The following SPAG16 variants were observed in gnomAD, a reference collection of about 807,000 sequenced individuals.
SPAG16 encodes sperm-associated antigen 16 protein.
A neutral mutation model predicts 80.4 loss-of-function variants in SPAG16; 86 were observed. That is an observed-to-expected ratio of 1.07 (90% CI 0.90 to 1.28). The LOEUF is 1.28. Ranked by LOEUF, SPAG16 falls within the 50% of genes most tolerant of loss-of-function variation. The pLI is 0.00. For synonymous variants in SPAG16, 294 were observed against 265.9 expected (o/e 1.11, Z -1.03); for missense variants, 870 against 765.3 (o/e 1.14, Z -1.61).
intron 10 of SPAG16, among the ~76,000 whole-genome samples, chr2:213,687,685 T>A (rs2064750626): frequency 6.6e-6 from 1 of 152,168 alleles, no homozygotes. Flanking sequence ...CTTTCGAGAT[T>A]TTATCACTGA....
chr2:214,041,978 G>A (rs868446295), intron 13 of SPAG16, among the ~76,000 whole-genome samples: 434 of 116,206 alleles, frequency 3.7e-3, no homozygotes, highest in African/African-American at 0.011. Context: ...GTCTGTGTGT[G>A]TATATATATA....
rs2071220555 is a variant in SPAG16 at position 213,445,236 on chromosome 2, A to C, written c.943-44727A>C. 2.0e-5 allele frequency among the ~76,000 whole-genome samples: 3 copies of C among 152,358 alleles called. No homozygotes were observed. The South Asian group carries it at 6.2e-4, about 32-fold the overall frequency. The stretch of plus-strand genomic sequence containing the variant: ...AGAGACAACCTACAGAACGGAAGAA[A>C]ATACTTGCAAACGATTCAACTGACA... On this transcript the variant is annotated intron_variant, in intron 9 of 15. Coordinates refer to ENST00000331683, the MANE Select transcript of SPAG16 (RefSeq NM_024532.5).
chr2:214,142,916 T>G (rs2055436485), intron 14 of SPAG16, among the ~76,000 whole-genome samples: 1 of 152,156 alleles, frequency 6.6e-6, no homozygotes, highest in Non-Finnish European at 1.5e-5. Context: ...CCAGTCTGCT[T>G]CCAAACCCAA....
intron 11 of SPAG16, among the ~76,000 whole-genome samples, chr2:213,889,524 T>G (rs1476072811): frequency 6.6e-6 from 1 of 151,462 alleles, no homozygotes; most frequent in African/African-American, 2.4e-5. Context: ...CTGTTCTTCT[T>G]TGTTAATATT....
intron 10 of SPAG16, among the ~76,000 whole-genome samples, chr2:213,500,687 T>C (rs1250934508): frequency 6.6e-6 from 1 of 152,176 alleles, no homozygotes; most frequent in Non-Finnish European, 1.5e-5. Context: ...GAACGACCAA[T>C]GTTATTTTAG....
intron 9 of SPAG16, among the ~76,000 whole-genome samples, chr2:213,464,554 A>G (rs2072572686): frequency 6.6e-6 from 1 of 152,194 alleles, no homozygotes; most frequent in South Asian, 2.1e-4. Flanking sequence ...AAATGCTTCT[A>G]TCCAGTTAAT....
intron 15 of SPAG16, among the ~76,000 whole-genome samples, chr2:214,371,255 G>A (rs571619656): frequency 9.9e-5 from 15 of 152,068 alleles, no homozygotes; most frequent in Middle Eastern, 3.2e-3. Context: ...TATGTTGGCC[G>A]GGCGCAGTGG....
At chr2:213,547,815 C>G (rs2076660294) in intron 10 of SPAG16, among the ~76,000 whole-genome samples, 1 of 152,102 alleles carries the variant, frequency 6.6e-6, no homozygotes, top group Admixed American at 6.6e-5. Flanking sequence ...TTCTTATTTG[C>G]CCTTATGTAC....
At chr2:213,766,681 G>A (rs748707581) in intron 10 of SPAG16, among the ~76,000 whole-genome samples, 32 of 152,176 alleles carry the variant, frequency 2.1e-4, no homozygotes, top group Non-Finnish European at 3.8e-4. Flanking sequence ...TAGGGATGGG[G>A]AGCAGAAGAG....
chr2:213,389,128 A>C (rs969662057), intron 9 of SPAG16, among the ~76,000 whole-genome samples: 1 of 152,206 alleles, frequency 6.6e-6, no homozygotes, highest in Non-Finnish European at 1.5e-5. Context: ...TATATGATCA[A>C]ATGATTTTGA....
intron 15 of SPAG16, among the ~76,000 whole-genome samples, chr2:214,357,102 T>G (rs1318384132): frequency 6.6e-6 from 1 of 151,938 alleles, no homozygotes; most frequent in Non-Finnish European, 1.5e-5. Context: ...AGATATCACT[T>G]TTAATCTAAT....
intron 12 of SPAG16, among the ~76,000 whole-genome samples, chr2:213,952,093 A>G (rs1000129072): frequency 6.6e-6 from 1 of 152,158 alleles, no homozygotes; most frequent in Non-Finnish European, 1.5e-5. Flanking sequence ...AGTTGGAGGT[A>G]CAATGATTCT....
intron 10 of SPAG16, among the ~76,000 whole-genome samples, chr2:213,849,916 G>A (rs2074817020): frequency 6.6e-6 from 1 of 152,160 alleles, no homozygotes; most frequent in Non-Finnish European, 1.5e-5. Flanking sequence ...GAACATAAAT[G>A]TGTAATGTAT....
intron 15 of SPAG16, among the ~76,000 whole-genome samples, chr2:214,296,046 C>T (rs1694108118): frequency 6.6e-6 from 1 of 152,218 alleles, no homozygotes; most frequent in African/African-American, 2.4e-5. Flanking sequence ...CCCTCATGCT[C>T]CTCCCATACT....
rs1489608065 is a variant in SPAG16 at position 214,049,746 on chromosome 2, T to A, written c.1527+35669T>A. Among the ~76,000 whole-genome samples, 5 of 152,352 alleles carry A rather than the reference T, an allele frequency of 3.3e-5. 1 individual carries two copies. The highest frequency in any genetic ancestry group is 1.2e-4 in the African/African-American group (5 of 41,582). ...ATTGTGAGAAAGTTGGACGCAGCCCTGGGGACTCCTGTGAGCAGTATCTCA... is the reference window on the plus strand; with the variant it reads ...ATTGTGAGAAAGTTGGACGCAGCCCAGGGGACTCCTGTGAGCAGTATCTCA... On this transcript the variant is annotated intron_variant, in intron 13 of 15. Coordinates refer to ENST00000331683, the MANE Select transcript of SPAG16 (RefSeq NM_024532.5).
chr2:213,665,999 C>A (rs183558868), intron 10 of SPAG16, among the ~76,000 whole-genome samples: 1 of 152,182 alleles, frequency 6.6e-6, no homozygotes, highest in Non-Finnish European at 1.5e-5. Context: ...GCAGAGAAGG[C>A]CTTATTGGAC....
At chr2:213,952,368 GAC>G (rs1416919919) in intron 12 of SPAG16, among the ~76,000 whole-genome samples, 16 of 152,032 alleles carry the variant, frequency 1.1e-4, no homozygotes, top group African/African-American at 3.6e-4. Flanking sequence ...GGTCATAAAA[GAC>G]AGTTGTAACC....
intron 1 of SPAG16, among the ~76,000 whole-genome samples, chr2:213,293,028 C>T (rs1044325703): frequency 1.3e-5 from 2 of 152,088 alleles, no homozygotes; most frequent in Non-Finnish European, 2.9e-5. Flanking sequence ...TGTAATAATC[C>T]GTATGTGTCA....
At chr2:213,369,034 A>G (rs573696223) in intron 8 of SPAG16, among the ~76,000 whole-genome samples, 3 of 152,324 alleles carry the variant, frequency 2.0e-5, no homozygotes, top group East Asian at 1.9e-4. Context: ...CTGATTTCTC[A>G]TAGGAAATAC....
Sources: gnomAD v4.1 joint callset for allele counts (sites outside exome capture counted in the v4.1 genomes callset) on GRCh38, gnomAD v4.1.1 for gene constraint, MANE v1.5 for transcripts, NCBI Gene and HGNC (gene_info 2026-07-23, HGNC 2026-07-21) for gene names.